The following TBC1D1 variants were observed in gnomAD, a reference collection of about 807,000 sequenced individuals.
TBC1D1 encodes the protein TBC1 (tre-2/USP6, BUB2, cdc16) domain family, member 1.
A neutral mutation model predicts 125.6 loss-of-function variants in TBC1D1; 89 were observed. The observed-to-expected ratio is 0.71, with a 90% CI of 0.60 to 0.85. The LOEUF is 0.85. TBC1D1 is among the 40% of genes least tolerant of loss of function. The pLI is 0.00. For synonymous variants in TBC1D1, 565 were observed against 564.1 expected (o/e 1.00, Z -0.02); for missense variants, 1,377 against 1,469.2 (o/e 0.94, Z 1.03).
intron 19 of TBC1D1, among the ~76,000 whole-genome samples, chr4:38,136,758 G>A (rs1456800891): frequency 1.3e-5 from 2 of 152,206 alleles, no homozygotes; most frequent in Non-Finnish European, 2.9e-5. Context: ...GGAAGTCTTT[G>A]TGTCACTGAC....
At chr4:37,993,590 A>T (rs114960356) in intron 2 of TBC1D1, among the ~76,000 whole-genome samples, 7 of 147,992 alleles carry the variant, frequency 4.7e-5, no homozygotes, top group East Asian at 5.7e-4. Flanking sequence ...TTATTTATTT[A>T]TTTATTTTTG....
chr4:37,907,020 C>T (rs1308919631), intron 2 of TBC1D1, among the ~76,000 whole-genome samples: 1 of 152,218 alleles, frequency 6.6e-6, no homozygotes, highest in Non-Finnish European at 1.5e-5. Context: ...TACATGTTAA[C>T]ATGTTTTTGT....
chr4:38,044,453 G>C lies in TBC1D1; in HGVS notation c.1505G>C (p.Arg502Thr), dbSNP rs748285467. ...GATATGCTGAAAAACAAAGCAAAGA[G>C]ATCTTTAACAGAGTCTTTAGAAAGT... The change falls in exon 9 of 20, where the codon AGA (arginine) becomes ACA (threonine). Residue 502 changes from arginine to threonine, a missense_variant. Transcript: ENST00000261439. 3 of 1,613,394 alleles carry C rather than the reference G, an allele frequency of 1.9e-6. No individual in the cohort carries two copies. The highest frequency in any genetic ancestry group is 4.5e-5 in the East Asian group (2 of 44,864).
chr4:38,089,748 T>G (rs528075278), intron 12 of TBC1D1, among the ~76,000 whole-genome samples, 184 bp from the exon 15 acceptor site: 1 of 152,258 alleles, frequency 6.6e-6, no homozygotes, highest in Non-Finnish European at 1.5e-5. Context: ...ATTTGACATA[T>G]CATTTGTTTC....
At chr4:38,132,107 G>A (rs1765680351) in intron 18 of TBC1D1, among the ~76,000 whole-genome samples, 1 of 152,176 alleles carries the variant, frequency 6.6e-6, no homozygotes, top group African/African-American at 2.4e-5. Context: ...AGTTGCTTAA[G>A]GCAATGCAAT....
intron 12 of TBC1D1, among the ~76,000 whole-genome samples, chr4:38,080,786 C>T (rs1483029283): frequency 2.0e-5 from 3 of 152,150 alleles, no homozygotes; most frequent in Non-Finnish European, 4.4e-5. Context: ...GCACACAGAC[C>T]TGGAAGTTGG....
intron 17 of TBC1D1, chr4:38,119,956 G>T: frequency 2.0e-6 from 2 of 985,412 alleles, no homozygotes; most frequent in Non-Finnish European, 2.4e-6. Context: ...CTCTGGAAGA[G>T]AAATTTTTCC....
chr4:37,892,135 C>A (rs1560440211), intron 1 of TBC1D1, among the ~76,000 whole-genome samples: 1 of 152,088 alleles, frequency 6.6e-6, no homozygotes, highest in Non-Finnish European at 1.5e-5. Flanking sequence ...CATTGTTTCC[C>A]TTATGATGGG....
At chr4:38,058,658 A>G (rs564486049) in intron 12 of TBC1D1, among the ~76,000 whole-genome samples, 1 of 152,192 alleles carries the variant, frequency 6.6e-6, no homozygotes, top group Non-Finnish European at 1.5e-5. Context: ...GAAATCTTAC[A>G]ACCTCTCTTC....
chr4:38,002,557 T>C (rs928865582), intron 2 of TBC1D1, among the ~76,000 whole-genome samples: 11 of 152,268 alleles, frequency 7.2e-5, no homozygotes, highest in African/African-American at 2.7e-4. Context: ...CATTAGATCG[T>C]TTTGCATTGC....
intron 18 of TBC1D1, among the ~76,000 whole-genome samples, chr4:38,125,808 C>A (rs539158216): frequency 7.2e-5 from 11 of 152,242 alleles, no homozygotes; most frequent in Admixed American, 5.9e-4. Context: ...GAAGAACCTG[C>A]CAGTAATGGC....
rs1411474107 is a variant in TBC1D1, at chr4:38,089,929, C to T, written c.2051-3C>T. The T allele has an allele frequency of 1.9e-6, 3 of 1,556,590 alleles. No homozygotes were observed. The South Asian group carries it at 3.6e-5, about 19-fold the overall frequency. On this transcript the variant is annotated splice_polypyrimidine_tract_variant and splice_region_variant and intron_variant, in intron 12 of 19. Coordinates refer to ENST00000261439, the MANE Select transcript of TBC1D1 (RefSeq NM_015173.4). Reference sequence around the variant, plus strand: ...AATTCTGGAATGCCGTCTCCCTTTCCAGATTATTCAGAGCTGGGAGAGCTT... The same window carrying T: ...AATTCTGGAATGCCGTCTCCCTTTCTAGATTATTCAGAGCTGGGAGAGCTT...
chr4:38,122,154 C>T (rs1763952620), intron 17 of TBC1D1, among the ~76,000 whole-genome samples: 1 of 152,212 alleles, frequency 6.6e-6, no homozygotes, highest in African/African-American at 2.4e-5. Flanking sequence ...TTGGGAGTCT[C>T]TGGCAGGAAT....
intron 15 of TBC1D1, chr4:38,110,758 A>G: frequency 1.0e-6 from 1 of 985,476 alleles, no homozygotes; most frequent in South Asian, 4.7e-5. Context: ...TGCAGTTTAA[A>G]GAGGCAGGCC....
intron 2 of TBC1D1, among the ~76,000 whole-genome samples, chr4:37,998,066 G>A (rs1389095789): frequency 2.0e-5 from 3 of 152,046 alleles, no homozygotes; most frequent in Non-Finnish European, 4.4e-5. Flanking sequence ...CATCTGTCAC[G>A]TTCAGTTACC....
chr4:37,965,673 T>C (rs1560541362), intron 2 of TBC1D1, among the ~76,000 whole-genome samples: 2 of 152,174 alleles, frequency 1.3e-5, no homozygotes, highest in Non-Finnish European at 2.9e-5. Flanking sequence ...GGTGAGCAGA[T>C]ATGTTTAGTT....
chr4:38,115,718 T>C lies in TBC1D1; in HGVS notation c.2566T>C (p.Phe856Leu), dbSNP rs1449305707. 2.5e-6 allele frequency: 4 copies of C among 1,613,608 alleles called. No homozygotes were observed. In the East Asian group the frequency reaches 8.9e-5, roughly 36 times the overall value. Reference sequence around the variant, plus strand: ...ATGTATTCTTTTCACAGGGCGAACCTTTCCTACACACCCATACTTCTCTGC... The same window carrying C: ...ATGTATTCTTTTCACAGGGCGAACCCTTCCTACACACCCATACTTCTCTGC... The change falls in exon 16 of 20, where the codon TTT becomes CTT. Residue 856 changes from phenylalanine to leucine, a missense_variant. By Grantham distance (22) the Phe-to-Leu change is conservative (BLOSUM62 0). Transcript: ENST00000261439.
At chr4:37,906,073 A>G (rs1717244969) in intron 2 of TBC1D1, among the ~76,000 whole-genome samples, 1 of 152,186 alleles carries the variant, frequency 6.6e-6, no homozygotes, top group Non-Finnish European at 1.5e-5. Context: ...AACAAGATGA[A>G]TATTTTCCTC....
chr4:37,980,381 T>C (rs970928470), intron 2 of TBC1D1, among the ~76,000 whole-genome samples: 2 of 152,230 alleles, frequency 1.3e-5, no homozygotes, highest in African/African-American at 4.8e-5. Context: ...TAAATAAAAC[T>C]GAACTTCTCA....
Sources: allele counts gnomAD v4.1 joint callset (sites outside exome capture counted in the v4.1 genomes callset), GRCh38; gene constraint gnomAD v4.1.1; transcripts MANE v1.5; gene names NCBI Gene and HGNC (gene_info 2026-07-23, HGNC 2026-07-21).